KCNQ1: variants seen among roughly 807,000 people sequenced by gnomAD.
The protein encoded by KCNQ1 is potassium voltage-gated channel subfamily KQT member 1.
KCNQ1 carries 49 observed loss-of-function variants against 72.4 expected under a neutral mutation model. That is an observed-to-expected ratio of 0.68 (90% CI 0.54 to 0.86). The LOEUF (loss-of-function observed/expected upper bound fraction) is 0.86. KCNQ1 is among the 40% of genes least tolerant of loss of function. The pLI is 0.00. For synonymous variants in KCNQ1, 450 were observed against 412.6 expected, an observed-to-expected ratio of 1.09 and a Z score of -1.10; for missense variants, 790 against 945.1, an observed-to-expected ratio of 0.84 and a Z score of 2.15.
intron 1 of KCNQ1, among the ~76,000 whole-genome samples, chr11:2,524,525 G>T (rs1374490976): frequency 6.6e-6 from 1 of 152,222 alleles, no homozygotes; most frequent in Non-Finnish European, 1.5e-5. Flanking sequence ...CCAGTGGTCA[G>T]TGAGCAGGGG....
At chr11:2,797,884 C>A (rs1289866911) in intron 15 of KCNQ1, among the ~76,000 whole-genome samples, 3 of 152,192 alleles carry the variant, frequency 2.0e-5, no homozygotes, top group Non-Finnish European at 4.4e-5. Context: ...CCTTTGGGCA[C>A]CTGCCCTGCG....
At chr11:2,707,184 T>G (rs1308869546) in intron 11 of KCNQ1, among the ~76,000 whole-genome samples, 1 of 152,000 alleles carries the variant, frequency 6.6e-6, no homozygotes, top group Non-Finnish European at 1.5e-5. Context: ...GGGGTGGTGA[T>G]GGGATGCTGT....
In KCNQ1 at chr11:2,468,942, G is replaced by A. The variant is rs1007378082; in HGVS notation, c.386+23458G>A. On this transcript the variant is annotated intron_variant, in intron 1 of 15. Transcript: ENST00000155840. This position sits in a 1 kb window ranked among gnomAD's most constrained non-coding sequence, Gnocchi z 5.7. ...TCTGCAGCCCGCTGGGAAGTGGAAC[G>A]GCTGTGTCATGGGGTGGGTGAGGGC... Among the ~76,000 whole-genome samples the A allele has an allele frequency of 4.6e-5, 7 of 152,212 alleles. No homozygotes were observed. The highest frequency in any genetic ancestry group is 1.7e-4 in the African/African-American group (7 of 41,474).
At chr11:2,594,050 T>C (rs1198424987) in intron 10 of KCNQ1, among the ~76,000 whole-genome samples, 4 of 152,218 alleles carry the variant, frequency 2.6e-5, no homozygotes, top group Admixed American at 2.6e-4. Context: ...CATTGAGATA[T>C]TTACTCACAG....
intron 15 of KCNQ1, among the ~76,000 whole-genome samples, chr11:2,780,709 G>C (rs1364532424): frequency 1.3e-5 from 2 of 152,192 alleles, no homozygotes; most frequent in African/African-American, 2.4e-5. Flanking sequence ...GTGTCCCCCT[G>C]CAGGGAGTTC....
rs533087881 is a variant in KCNQ1 at position 2,511,542 on chromosome 11, T to C, written c.387-16386T>C. 1.2e-4 allele frequency among the ~76,000 whole-genome samples: 19 copies of C among 152,298 alleles called. 1 individual carries two copies. In the South Asian group the frequency reaches 3.9e-3, roughly 32 times the overall value. On this transcript the variant is annotated intron_variant, in intron 1 of 15. Coordinates refer to ENST00000155840, the MANE Select transcript of KCNQ1 (RefSeq NM_000218.3). ...GCAGGTGACGGGTGAGTGGTCTCCA[T>C]GCTCCCAGCCGCTGTGTAGAGGTGC...
chr11:2,804,147 A>G (rs1231498460), intron 15 of KCNQ1, among the ~76,000 whole-genome samples: 2 of 152,140 alleles, frequency 1.3e-5, no homozygotes, highest in Non-Finnish European at 2.9e-5. Context: ...GAAGATACAG[A>G]GGCAGCAATA....
Position 2,475,221 on chromosome 11 carries a change from G to C in KCNQ1, c.386+29737G>C, listed in dbSNP as rs1846552954. Among the ~76,000 whole-genome samples the C allele has an allele frequency of 6.6e-6, 1 of 152,048 alleles. No homozygotes were observed. The highest frequency in any genetic ancestry group is 1.5e-5 in the Non-Finnish European group (1 of 68,034). ...TTTAGCTATTCTGGATGTTTCATGT[G>C]CCTGAAATCATGGCAAACGTGGCCC... On this transcript the variant is annotated intron_variant, in intron 1 of 15. Transcript: ENST00000155840. The surrounding 1 kb of genome is among the most constrained non-coding windows in gnomAD (Gnocchi z 5.8).
At chr11:2,708,790 T>G (rs1408937057) in intron 11 of KCNQ1, among the ~76,000 whole-genome samples, 1 of 152,120 alleles carries the variant, frequency 6.6e-6, no homozygotes, top group Non-Finnish European at 1.5e-5. Context: ...CCTTGGGACA[T>G]GTCAATAGCA....
At chr11:2,587,926 G>A (rs1848618079) in intron 9 of KCNQ1, among the ~76,000 whole-genome samples, 2 of 152,270 alleles carry the variant, frequency 1.3e-5, no homozygotes, top group South Asian at 4.1e-4. Context: ...CAGGGCATGA[G>A]AGCTCCAGAG....
At chr11:2,616,595 C>A (rs987825573) in intron 10 of KCNQ1, 1 of 397,942 alleles carries the variant, frequency 2.5e-6, no homozygotes, top group Admixed American at 4.4e-5. Flanking sequence ...TCGTCATTTT[C>A]ACTTTTTGAA....
At chr11:2,591,878 C>T (rs1375902418) in intron 10 of KCNQ1, among the ~76,000 whole-genome samples, 3 of 152,264 alleles carry the variant, frequency 2.0e-5, no homozygotes, top group Non-Finnish European at 4.4e-5. Context: ...AGGGACAGAG[C>T]GACCCCTGAT....
In KCNQ1 at chr11:2,446,722, G is replaced by GGGT. The variant is rs1846044841; in HGVS notation, c.386+1240_386+1242dup. On this transcript the variant is annotated intron_variant, in intron 1 of 15. Transcript: ENST00000155840. The surrounding 1 kb of genome is among the most constrained non-coding windows in gnomAD (Gnocchi z 8.8). ...CTCCCTCCTCAAAGATGTGGTTGGG[G>GGGT]GGTGATCTTGGAGACTTTTCCCCAC... is the stretch of plus-strand genomic sequence containing the variant. Among the ~76,000 whole-genome samples the GGGT allele has an allele frequency of 6.6e-6, 1 of 152,204 alleles. No homozygotes were observed. Among genetic ancestry groups the GGGT allele is most frequent in the Middle Eastern group, 3.2e-3 (1 of 316 alleles).
intron 15 of KCNQ1, among the ~76,000 whole-genome samples, chr11:2,838,695 C>T (rs1185631173): frequency 6.6e-6 from 1 of 152,128 alleles, no homozygotes; most frequent in East Asian, 1.9e-4. Flanking sequence ...GGAGCAATGA[C>T]ACGAGAACGG....
At chr11:2,699,568 C>T (rs980632056) in intron 11 of KCNQ1, 80 of 345,418 alleles carry the variant, frequency 2.3e-4, no homozygotes, top group Admixed American at 4.8e-5. Flanking sequence ...GAGAACCATG[C>T]TGAGGAGCCC....
In KCNQ1 at chr11:2,473,734, A is replaced by G. The variant is rs1030112315; in HGVS notation, c.386+28250A>G. Among the ~76,000 whole-genome samples, 32 of 152,182 alleles carry G rather than the reference A, an allele frequency of 2.1e-4. No homozygotes were observed. The highest frequency in any genetic ancestry group is 7.7e-4 in the African/African-American group (32 of 41,466). On this transcript the variant is annotated intron_variant, in intron 1 of 15. Coordinates refer to ENST00000155840, the MANE Select transcript of KCNQ1 (RefSeq NM_000218.3). The surrounding 1 kb of genome is among the most constrained non-coding windows in gnomAD (Gnocchi z 6.0). ...AGCCAGGGCAGGTCCTGGAGATGGC[A>G]GCCTGCAGGTTGAAGCCCCCGACAG...
rs1294691653 is a variant in KCNQ1, at chr11:2,824,831, G to C, written c.1795-22936G>C. Among the ~76,000 whole-genome samples, 1 of 152,238 alleles carries C rather than the reference G, an allele frequency of 6.6e-6. No homozygotes were observed. The highest frequency in any genetic ancestry group is 2.4e-5 in the African/African-American group (1 of 41,456). ...TCTGTACTTGGCCTGTCTCAGTGCC[G>C]TGCCGCATCCATCCTGCCCCTGGCA... On this transcript the variant is annotated intron_variant, in intron 15 of 15. Coordinates refer to ENST00000155840, the MANE Select transcript of KCNQ1 (RefSeq NM_000218.3). This position sits in a 1 kb window ranked among gnomAD's most constrained non-coding sequence, Gnocchi z 5.9.
At chr11:2,837,250 G>A (rs967770982) in intron 15 of KCNQ1, among the ~76,000 whole-genome samples, 2 of 152,162 alleles carry the variant, frequency 1.3e-5, no homozygotes, top group Non-Finnish European at 2.9e-5. Context: ...GCAGGCTGTG[G>A]GCGTGGCCAA....
intron 11 of KCNQ1, among the ~76,000 whole-genome samples, chr11:2,709,220 G>GCCCCCCCCCCCCCCCCCCCC (rs34617956): frequency 3.4e-4 from 44 of 130,146 alleles, no homozygotes; most frequent in East Asian, 7.5e-4. Flanking sequence ...CGGCTTCCAG[G>GCCCCCCCCCCCCCCCCCCCC]CCCCCCCCAC....
Sources: gnomAD v4.1 joint callset for allele counts (sites outside exome capture counted in the v4.1 genomes callset) on GRCh38, gnomAD v4.1.1 for gene constraint, Gnocchi (gnomAD v3.1) non-coding constraint, MANE v1.5 for transcripts, NCBI Gene and HGNC (gene_info 2026-07-23, HGNC 2026-07-21) for gene names.